NSUN2: variants seen among roughly 807,000 people sequenced by gnomAD.
The protein encoded by NSUN2 is NOP2/Sun RNA methyltransferase 2.
In NSUN2, 63 loss-of-function variants were observed where a neutral mutation model predicts 92.7. The ratio of observed to expected loss-of-function variants is 0.68; its 90% confidence interval spans 0.56 to 0.84. The LOEUF is 0.84. Among genes scored for constraint, NSUN2 ranks in the 40% least tolerant of loss-of-function variants. The pLI is 0.00. For synonymous variants in NSUN2, 356 were observed against 348.3 expected, an observed-to-expected ratio of 1.02 and a Z score of -0.25; for missense variants, 989 against 964.9, an observed-to-expected ratio of 1.02 and a Z score of -0.33.
intron 9 of NSUN2, among the ~76,000 whole-genome samples, chr5:6,613,851 C>T (rs1333910999): frequency 3.9e-5 from 6 of 152,088 alleles, no homozygotes; most frequent in African/African-American, 1.4e-4. Flanking sequence ...AATCCCAGCA[C>T]TTTGGGAGGC....
At chr5:6,622,888 G>A (rs1737505645) in intron 5 of NSUN2, among the ~76,000 whole-genome samples, 1 of 150,044 alleles carries the variant, frequency 6.7e-6, no homozygotes, top group East Asian at 1.9e-4. Flanking sequence ...ACAGAGTAAT[G>A]CTTGCCATAC....
At position 6,632,599 on chromosome 5, in the gene NSUN2, C is replaced by G; in HGVS notation, c.254G>C (p.Ser85Thr). 6.2e-7 allele frequency: 1 copy of G among 1,613,700 alleles called. No homozygotes were observed. The highest frequency in any genetic ancestry group is 8.5e-7 in the Non-Finnish European group (1 of 1,179,762). ...AAAAAATCAGGCACTGCCTCCCTAC[C>G]TTTTGTAACCAGTAATTCTTAAAGT... ...PATLRITGYK[S>T]HAKEILHCLK... Residue 85 changes from serine to threonine, a missense_variant and splice_region_variant, in exon 2 of 19, where the codon AGC becomes ACC. Ser to Thr is a moderately conservative substitution (Grantham distance 58). This residue lies in a region of NSUN2 where 356 missense variants were observed against 338.6 expected (regional missense o/e 1.05). Transcript: ENST00000264670.
intron 9 of NSUN2, among the ~76,000 whole-genome samples, chr5:6,614,644 G>A (rs575741923): frequency 2.0e-5 from 3 of 152,232 alleles, no homozygotes; most frequent in South Asian, 2.1e-4. Flanking sequence ...TCCTTCAAAC[G>A]TTGGCACGTT....
At chr5:6,604,887 G>A (rs1736698602) in intron 15 of NSUN2, 1 of 612,940 alleles carries the variant, frequency 1.6e-6, no homozygotes, top group African/African-American at 1.9e-5. Flanking sequence ...GCAAATGAAA[G>A]AAGGGCCCCC....
chr5:6,616,919 G>A, intron 8 of NSUN2, 62 bp from the exon 9 acceptor site: 3 of 1,443,254 alleles, frequency 2.1e-6, no homozygotes, highest in Non-Finnish European at 2.8e-6. Flanking sequence ...CATATTAGAA[G>A]CACCTCCTTA....
intron 3 of NSUN2, among the ~76,000 whole-genome samples, chr5:6,629,401 T>C (rs963859744): frequency 2.0e-5 from 3 of 152,222 alleles, no homozygotes; most frequent in Admixed American, 2.0e-4. Flanking sequence ...TCCTAGTTTG[T>C]TGGAGCCTGC....
chr5:6,623,134 A>G, intron 5 of NSUN2, 80 bp downstream of exon 5: 7 of 1,224,462 alleles, frequency 5.7e-6, no homozygotes, highest in East Asian at 4.8e-5. Context: ...ATATTAAGAA[A>G]AAATGGTTTC....
chr5:6,614,245 G>T (rs1006859337), intron 9 of NSUN2, among the ~76,000 whole-genome samples: 1 of 151,350 alleles, frequency 6.6e-6, no homozygotes, highest in African/African-American at 2.4e-5. Context: ...ACAAGAAAAA[G>T]AACCAGCCAG....
At chr5:6,632,468 G>A (rs908731857) in intron 2 of NSUN2, 131 bp downstream of exon 2, 3 of 1,051,924 alleles carry the variant, frequency 2.9e-6, no homozygotes, top group African/African-American at 3.2e-5. Context: ...CCACCTCAAT[G>A]CTTCCTGAAT....
intron 5 of NSUN2, among the ~76,000 whole-genome samples, chr5:6,622,486 T>C (rs997136462): frequency 1.3e-5 from 2 of 152,222 alleles, no homozygotes; most frequent in Non-Finnish European, 1.5e-5. Context: ...TCTGGAAAAA[T>C]GGAGATGGTG....
At chr5:6,624,933 G>C (rs1025381953) in intron 4 of NSUN2, among the ~76,000 whole-genome samples, 26 of 152,090 alleles carry the variant, frequency 1.7e-4, no homozygotes, top group African/African-American at 6.3e-4. Context: ...GTTTTGCTGG[G>C]GATGCTCTGA....
chr5:6,609,742 T>C (rs1736912489), intron 12 of NSUN2, 84 bp downstream of exon 12: 5 of 1,050,772 alleles, frequency 4.8e-6, no homozygotes, highest in African/African-American at 1.6e-5. Flanking sequence ...CTCTTTCCTC[T>C]GTACTTCTAC....
chr5:6,602,887 A>G (rs545957565), intron 17 of NSUN2, among the ~76,000 whole-genome samples: 1 of 152,380 alleles, frequency 6.6e-6, no homozygotes, highest in East Asian at 1.9e-4. Context: ...CTAAAACAAT[A>G]CTGCAATCAT....
At chr5:6,629,923 G>A (rs929348454) in intron 3 of NSUN2, among the ~76,000 whole-genome samples, 16 of 152,224 alleles carry the variant, frequency 1.1e-4, no homozygotes, top group East Asian at 3.9e-4. Flanking sequence ...AGGCCTCCCC[G>A]GCGATGTGGA....
At chr5:6,610,804 G>A in intron 11 of NSUN2, 151 bp downstream of exon 11, 1 of 819,588 alleles carries the variant, frequency 1.2e-6, no homozygotes, top group Non-Finnish European at 1.9e-6. Flanking sequence ...TGGCTGGGAA[G>A]TTCACACACA....
chr5:6,620,356 G>C (rs1737387390), intron 6 of NSUN2, 58 bp from the exon 7 acceptor site: 3 of 1,307,972 alleles, frequency 2.3e-6, no homozygotes, highest in Non-Finnish European at 2.1e-6. Flanking sequence ...ATCACATCCT[G>C]AAATATGCGA....
In NSUN2 at chr5:6,599,494, T is replaced by C. The variant is rs1485548322; in HGVS notation, c.*432A>G. ...CTGAGGTGCAGCTCAATGTAATTAT[T>C]AAAGCTTATAACACACTTCCCCAAG... On this transcript the variant is annotated 3_prime_UTR_variant, in exon 19 of 19. Transcript: ENST00000264670. 6.3e-6 allele frequency: 1 copy of C among 157,758 alleles called. No homozygotes were observed. The highest frequency in any genetic ancestry group is 1.4e-5 in the Non-Finnish European group (1 of 71,426). 9.8% of individuals were successfully genotyped at this position (157,758 alleles called of 1,614,324 possible).
At chr5:6,606,095 T>C (rs1270455447) in intron 14 of NSUN2, among the ~76,000 whole-genome samples, 1 of 152,202 alleles carries the variant, frequency 6.6e-6, no homozygotes, top group East Asian at 1.9e-4. Flanking sequence ...AACAGATGAA[T>C]GTCAGACTTG....
At chr5:6,614,962 A>G (rs930032194) in intron 9 of NSUN2, among the ~76,000 whole-genome samples, 1 of 152,138 alleles carries the variant, frequency 6.6e-6, no homozygotes, top group Admixed American at 6.5e-5. Context: ...TTACAAGAGA[A>G]AAAGGAGCAA....
Sources: gnomAD v4.1 joint callset for allele counts (sites outside exome capture counted in the v4.1 genomes callset) on GRCh38, gnomAD v4.1.1 for gene constraint, gnomAD v4.1.1 regional missense constraint, MANE v1.5 for transcripts, NCBI Gene and HGNC (gene_info 2026-07-23, HGNC 2026-07-21) for gene names.